The following LONRF1 variants were observed in gnomAD, a reference collection of about 807,000 sequenced individuals.
LONRF1 encodes LON peptidase N-terminal domain and RING finger protein 1.
Under a neutral mutation model 85.8 loss-of-function variants are expected in LONRF1, and 37 were observed. The ratio of observed to expected loss-of-function variants is 0.43; its 90% CI spans 0.33 to 0.57. LONRF1 has a LOEUF of 0.57. Among genes scored for constraint, LONRF1 ranks in the 20% least tolerant of loss-of-function variants. The pLI is 0.04. For missense variants in LONRF1, 1,036 were observed against 978.0 expected, an observed-to-expected ratio of 1.06 and a Z score of -0.79; for synonymous variants, 517 against 390.1, an observed-to-expected ratio of 1.33 and a Z score of -3.83.
chr8:12,734,302 A>G (rs757654376), intron 7 of LONRF1, among the ~76,000 whole-genome samples: 3 of 152,232 alleles, frequency 2.0e-5, no homozygotes, highest in East Asian at 1.9e-4. Flanking sequence ...ATCAAATGTA[A>G]TAACAGACAT....
In LONRF1 at chr8:12,724,786, C is replaced by G. The variant is rs1806093352; in HGVS notation, c.2163+941G>C. Among the ~76,000 whole-genome samples, 6 of 152,186 alleles carry G rather than the reference C, an allele frequency of 3.9e-5. No homozygotes were observed. In the South Asian group the frequency reaches 1.2e-3, roughly 31 times the overall value. On this transcript the variant is annotated intron_variant, in intron 11 of 11. Transcript: ENST00000398246. ...ATCAGATTCAAGTAATCAGTTAAAA[C>G]AAATAGATGGCAACTGATAATATGC...
At chr8:12,743,414 A>C (rs1401945478) in intron 1 of LONRF1, 132 bp from the exon 2 acceptor site, 2 of 622,538 alleles carry the variant, frequency 3.2e-6, no homozygotes, top group East Asian at 2.9e-5. Flanking sequence ...AAAGTCTATA[A>C]GCCAAAGGCA....
rs146046372 is a variant in LONRF1 at position 12,738,967 on chromosome 8, T to C, written c.964-823A>G. Among the ~76,000 whole-genome samples, 32 of 152,244 alleles carry C rather than the reference T, an allele frequency of 2.1e-4. No homozygotes were observed. In the East Asian group the frequency reaches 6.2e-3, roughly 29 times the overall value. On this transcript the variant is annotated intron_variant, in intron 3 of 11. Coordinates refer to ENST00000398246, the MANE Select transcript of LONRF1 (RefSeq NM_152271.5). ...ATAAATCACAAATCATTTATGGAAA[T>C]ATAAACAATGTAGATAAAAGCACGT...
intron 7 of LONRF1, among the ~76,000 whole-genome samples, chr8:12,732,895 T>C (rs1325048190): frequency 1.3e-5 from 2 of 152,194 alleles, no homozygotes; most frequent in Non-Finnish European, 2.9e-5. Flanking sequence ...TGGGAAACTA[T>C]CACAAGATGA....
intron 1 of LONRF1, chr8:12,754,431 C>T: frequency 3.2e-6 from 1 of 314,612 alleles, no homozygotes; most frequent in Non-Finnish European, 5.7e-6. Context: ...GCCCGACAGC[C>T]AGGCCGCGGC....
Position 12,728,923 on chromosome 8 carries a change from A to G in LONRF1, c.1988T>C (p.Ile663Thr). The G allele has an allele frequency of 6.2e-7, 1 of 1,613,946 alleles. No individual in the cohort carries two copies. The highest frequency in any genetic ancestry group is 8.5e-7 in the Non-Finnish European group (1 of 1,179,842). ...GMKDGYCTAD[I>T]EYLEDVKVEN... is the part of the protein sequence containing the mutation. ...TACCTTAACATCTTCCAGATATTCA[A>G]TGTCGGCAGTGCAATATCCATCTTT... The change falls in exon 10 of 12, where the codon ATT (isoleucine) becomes ACT (threonine). Residue 663 changes from isoleucine (I) to threonine (T), a missense_variant. Coordinates refer to ENST00000398246, the MANE Select transcript of LONRF1 (RefSeq NM_152271.5).
chr8:12,743,593 T>G (rs925946904), intron 1 of LONRF1, among the ~76,000 whole-genome samples: 10 of 152,198 alleles, frequency 6.6e-5, no homozygotes, highest in Admixed American at 2.0e-4. Flanking sequence ...GGGTAGTCTA[T>G]AAAGATTTTA....
chr8:12,750,677 G>C (rs1397340488), intron 1 of LONRF1, among the ~76,000 whole-genome samples: 1 of 152,088 alleles, frequency 6.6e-6, no homozygotes, highest in Non-Finnish European at 1.5e-5. Context: ...AATGTATTCA[G>C]TATTTACCTA....
At chr8:12,741,126 G>A (rs1798918412) in intron 2 of LONRF1, 130 bp from the exon 3 acceptor site, 4 of 896,684 alleles carry the variant, frequency 4.5e-6, no homozygotes, top group African/African-American at 3.4e-5. Context: ...GCTCACGCCT[G>A]TAATCCCAGC....
intron 1 of LONRF1, among the ~76,000 whole-genome samples, chr8:12,751,568 G>A (rs1009286891): frequency 1.3e-5 from 2 of 151,894 alleles, no homozygotes; most frequent in African/African-American, 4.8e-5. Flanking sequence ...GTCTCCCAAA[G>A]TGCTGGGATT....
At chr8:12,753,209 T>G (rs1271152920) in intron 1 of LONRF1, 1 of 152,184 alleles carries the variant, frequency 6.6e-6, no homozygotes, top group Admixed American at 6.5e-5. Context: ...TACAAAAATC[T>G]CCGGGGTTTG....
chr8:12,739,903 C>T (rs1045474595), intron 3 of LONRF1, among the ~76,000 whole-genome samples: 1 of 152,168 alleles, frequency 6.6e-6, no homozygotes, highest in Non-Finnish European at 1.5e-5. Context: ...AAACAAACCT[C>T]ATAGAGGCTA....
intron 4 of LONRF1, chr8:12,737,366 G>A (rs1403959284): frequency 2.9e-6 from 2 of 681,414 alleles, no homozygotes; most frequent in Admixed American, 2.1e-5. Context: ...TCCAACTGGG[G>A]ATAGAAAATA....
chr8:12,728,516 A>C (rs572418664), intron 10 of LONRF1, among the ~76,000 whole-genome samples: 1 of 152,342 alleles, frequency 6.6e-6, no homozygotes, highest in African/African-American at 2.4e-5. Flanking sequence ...CTACTAATAC[A>C]TTCAATAAAA....
At chr8:12,746,914 T>C (rs1238763565) in intron 1 of LONRF1, among the ~76,000 whole-genome samples, 4 of 152,186 alleles carry the variant, frequency 2.6e-5, no homozygotes, top group African/African-American at 9.6e-5. Flanking sequence ...GCATAGTACT[T>C]AGAACAGGGC....
Position 12,754,900 on chromosome 8 carries a change from C to A in LONRF1, c.521G>T (p.Gly174Val). 1 of 1,488,966 alleles carries A rather than the reference C, an allele frequency of 6.7e-7. No homozygotes were observed. The highest frequency in any genetic ancestry group is 2.3e-5 in the Admixed American group (1 of 43,792). 92.2% of individuals were successfully genotyped at this position (1,488,966 alleles called of 1,614,324 possible). Residue 174 changes from glycine to valine, a missense_variant, in exon 1 of 12, where the codon GGG (glycine) becomes GTG (valine). Physicochemically the swap from Gly to Val is moderately radical, Grantham distance 109. This residue lies in a region of LONRF1 where 742 missense variants were observed against 614.4 expected (regional missense o/e 1.21). Transcript: ENST00000398246. ...CAGAGGCGGCGGCCGCGGGGCGGTCCCTTCAGCATCAGTGGCACTGGCGGT... is the reference window on the plus strand; with the variant it reads ...CAGAGGCGGCGGCCGCGGGGCGGTCACTTCAGCATCAGTGGCACTGGCGGT... ...PATASATDAE[G>V]TAPRPPPLAA...
chr8:12,743,525 C>T (rs6530964), intron 1 of LONRF1, among the ~76,000 whole-genome samples: 109,808 of 152,002 alleles, frequency 0.72, 39,741 homozygotes, highest in South Asian at 0.8. Flanking sequence ...TTCCAGAATA[C>T]TGTAAATACT....
At chr8:12,751,670 AC>A (rs914076868) in intron 1 of LONRF1, among the ~76,000 whole-genome samples, 2 of 144,964 alleles carry the variant, frequency 1.4e-5, no homozygotes, top group Admixed American at 6.9e-5. Flanking sequence ...ACAAAATATC[AC>A]CCCCCCACCT....
chr8:12,737,017 A>G lies in LONRF1; in HGVS notation c.1237T>C (p.Ser413Pro), dbSNP rs201879510. ...AREDCLKRVS[S>P]EPVLSVQEKG... ...TCTTGAACTGACAGAACAGGTTCTG[A>G]GGACACTCTTTTTAAACAGTCCTCT... Residue 413 changes from serine to proline, a missense_variant, in exon 5 of 12, where the codon TCA becomes CCA. Ser to Pro is a moderately conservative substitution (Grantham distance 74). Coordinates refer to ENST00000398246, the MANE Select transcript of LONRF1 (RefSeq NM_152271.5). 1.1e-4 allele frequency: 172 copies of G among 1,613,678 alleles called. No individual in the cohort carries two copies. The highest frequency in any genetic ancestry group is 3.3e-4 in the Admixed American group (20 of 59,970).
Sources: allele counts gnomAD v4.1 joint callset (sites outside exome capture counted in the v4.1 genomes callset), GRCh38; gene constraint gnomAD v4.1.1; regional missense constraint gnomAD v4.1.1; transcripts MANE v1.5; gene names NCBI Gene and HGNC (gene_info 2026-07-23, HGNC 2026-07-21).